The following ZNF142 variants were observed in gnomAD, a reference collection of about 807,000 sequenced individuals.
ZNF142 encodes the protein zinc finger protein 142 (clone pHZ-49).
Under a neutral mutation model 132.1 loss-of-function variants are expected in ZNF142, and 96 were observed. That is an observed-to-expected ratio of 0.73 (90% CI 0.62 to 0.86). ZNF142 has a LOEUF of 0.86. Among genes scored for constraint, ZNF142 ranks in the 40% least tolerant of loss-of-function variants. The pLI, the probability that ZNF142 is intolerant of heterozygous loss-of-function variation, is 0.00. For synonymous variants in ZNF142, 842 were observed against 890.1 expected (o/e 0.95, Z 0.96); for missense variants, 2,163 against 2,336.2 (o/e 0.93, Z 1.53).
chr2:218,651,683 T>G lies in ZNF142; in HGVS notation c.880+18A>C. ...GCTGAACTCCAGGAGAGGAACTGCT[T>G]GGCCCTTGGCCTCATACCTGGCAGC... On this transcript the variant is annotated intron_variant, in intron 5 of 10. Transcript: ENST00000411696. The G allele has an allele frequency of 7.9e-7, 1 of 1,264,244 alleles. No individual in the cohort carries two copies. Among genetic ancestry groups the G allele is most frequent in the African/African-American group, 1.5e-5 (1 of 65,338 alleles). The allele number at this position is 1,264,244 out of a possible 1,614,324, so 78.3% of individuals were successfully genotyped here.
At chr2:218,649,839 G>A (rs1364810327) in intron 6 of ZNF142, among the ~76,000 whole-genome samples, 1 of 152,142 alleles carries the variant, frequency 6.6e-6, no homozygotes, top group Non-Finnish European at 1.5e-5. Flanking sequence ...CCCCCAAGGG[G>A]GTGAGCCAAA....
In ZNF142 at chr2:218,646,368, T is replaced by A. The variant is rs2106230009; in HGVS notation, c.1874-20A>T. ...TCTCACCTTATATGGGGGATGCGGA[T>A]GAAGGGAGAGAACACAGGTCAGATA... On this transcript the variant is annotated intron_variant, in intron 7 of 10. Coordinates refer to ENST00000411696, the MANE Select transcript of ZNF142 (RefSeq NM_001379659.1). 3 of 1,613,034 alleles carry A rather than the reference T, an allele frequency of 1.9e-6. No homozygotes were observed. The East Asian group carries it at 6.7e-5, about 36-fold the overall frequency.
Position 218,638,597 on chromosome 2 carries a change from G to T in ZNF142, c.5406C>A (p.Phe1802Leu). ...PYVCNVCHRA[F>L]RWAAGLRHHA... ...GATGGCGCAGGCCAGCAGCCCAGCGGAAAGCACGGTGGCACACATTGCACA... is the reference window on the plus strand; with the variant it reads ...GATGGCGCAGGCCAGCAGCCCAGCGTAAAGCACGGTGGCACACATTGCACA... Residue 1802 changes from phenylalanine (F) to leucine (L), a missense_variant, in exon 11 of 11, where the codon TTC (phenylalanine) becomes TTA (leucine). By Grantham distance (22) the Phe-to-Leu change is conservative. Around this residue, in one of 7 missense-constraint regions of ZNF142, gnomAD observed 325 missense variants for 367.8 expected, o/e 0.88. Transcript: ENST00000411696. 6.2e-7 allele frequency: 1 copy of T among 1,613,464 alleles called. No individual in the cohort carries two copies. The highest frequency in any genetic ancestry group is 8.5e-7 in the Non-Finnish European group (1 of 1,179,414).
chr2:218,635,915 CTA>C lies in ZNF142; in HGVS notation c.*2422_*2423del. ...TAGACACAGCACGGCAGGAGACCAA[CTA>C]TGTGGAGAACAATGGTGAGAAACTG... is the stretch of plus-strand genomic sequence containing the variant. On this transcript the variant is annotated 3_prime_UTR_variant, in exon 11 of 11. Coordinates refer to ENST00000411696, the MANE Select transcript of ZNF142 (RefSeq NM_001379659.1). 1.2e-6 allele frequency: 2 copies of C among 1,613,998 alleles called. No homozygotes were observed. The highest frequency in any genetic ancestry group is 1.7e-6 in the Non-Finnish European group (2 of 1,179,900).
Position 218,648,832 on chromosome 2 carries a change from C to T in ZNF142, c.1676G>A (p.Arg559His), listed in dbSNP as rs747856734. 23 of 1,614,046 alleles carry T rather than the reference C, an allele frequency of 1.4e-5. No individual in the cohort carries two copies. The highest frequency in any genetic ancestry group is 3.3e-4 in the Middle Eastern group (2 of 6,084). The change falls in exon 7 of 11, where the codon CGT (arginine) becomes CAT (histidine). Residue 559 changes from arginine (R) to histidine (H), a missense_variant. Physicochemically the swap from Arg to His is conservative, Grantham distance 29. Transcript: ENST00000411696. ...AGGGTGGCCCTGCTTCTTGTGTTTA[C>T]GGAATAGGTGCTTATTGGAACAAGC... ...DFACSNKHLFRKHKKQGHPGS... is the reference protein window; with the variant it reads ...DFACSNKHLFHKHKKQGHPGS...
At position 218,634,237 on chromosome 2, in the gene ZNF142, G is replaced by A. The variant is rs1179436475; in HGVS notation, c.*4102C>T. 14 of 1,601,588 alleles carry A rather than the reference G, an allele frequency of 8.7e-6. No individual in the cohort carries two copies. Among genetic ancestry groups the A allele is most frequent in the Non-Finnish European group, 1.1e-5 (13 of 1,173,816 alleles). On this transcript the variant is annotated 3_prime_UTR_variant, in exon 11 of 11. Transcript: ENST00000411696. The surrounding 1 kb of genome is among the most constrained non-coding windows in gnomAD (Gnocchi z 4.0). ...TGCCAGATGGGTGAGGAGGCAGCAG[G>A]GACTGGGAAGAGGGAGTGGAGGAGC...
chr2:218,648,884 C>A lies in ZNF142; in HGVS notation c.1624G>T (p.Ala542Ser). 1 of 1,613,830 alleles carries A rather than the reference C, an allele frequency of 6.2e-7. No individual in the cohort carries two copies. Among genetic ancestry groups the A allele is most frequent in the South Asian group, 1.1e-5 (1 of 91,082 alleles). ...AAATCACAGTGGGGGCAGTGGAAGG[C>A]GTAGTGACTCTTGTGGTGGGCCTCC... The part of the protein sequence containing the change: ...AMEAHHKSHY[A>S]FHCPHCDFAC... The change falls in exon 7 of 11, where the codon GCC becomes TCC. Residue 542 changes from alanine (A) to serine (S), a missense_variant. Transcript: ENST00000411696.
At chr2:218,656,817 CTTTTT>C (rs34530017) in intron 3 of ZNF142, among the ~76,000 whole-genome samples, 2 of 119,446 alleles carry the variant, frequency 1.7e-5, no homozygotes. Flanking sequence ...CTCAGAAGTC[CTTTTT>C]TTTTTTTTTT....
chr2:218,640,821 G>A (rs1220396697), intron 9 of ZNF142, 52 bp from the exon 10 acceptor site: 1 of 1,418,316 alleles, frequency 7.1e-7, no homozygotes, highest in Non-Finnish European at 9.9e-7. Context: ...CTCAATAAAT[G>A]TTAGCTGTTA....
chr2:218,643,231 C>G lies in ZNF142; in HGVS notation c.3885G>C (p.Leu1295=). The G allele has an allele frequency of 6.2e-7, 1 of 1,614,240 alleles. No individual in the cohort carries two copies. The highest frequency in any genetic ancestry group is 8.5e-7 in the Non-Finnish European group (1 of 1,180,038). ...AGCGAGCCCCCTTCTGCTTTTGAAC[C>G]AGAACTGTATCCCCATCACCAGAGC... The part of the protein sequence containing the change: ...ESSSGDGDTV[L]VQKQKGARFS... The change falls in exon 9 of 11, where the codon CTG becomes CTC. Residue 1295 remains leucine (L), a synonymous_variant. Transcript: ENST00000411696.
intron 10 of ZNF142, among the ~76,000 whole-genome samples, chr2:218,640,061 C>CA (rs35136548): frequency 0.36 from 15,769 of 44,272 alleles, 6,250 homozygotes; most frequent in East Asian, 0.68. Context: ...GACTCTGTCT[C>CA]AAAAAAAAAA....
chr2:218,657,110 G>A (rs969073551), intron 3 of ZNF142, among the ~76,000 whole-genome samples: 1 of 152,208 alleles, frequency 6.6e-6, no homozygotes, highest in South Asian at 2.1e-4. Context: ...GAGCCACCTT[G>A]CCTGGTCCCT....
At chr2:218,648,281 A>G (rs959150182) in intron 7 of ZNF142, among the ~76,000 whole-genome samples, 5 of 152,244 alleles carry the variant, frequency 3.3e-5, no homozygotes, top group Non-Finnish European at 7.3e-5. Flanking sequence ...GCATATCCCA[A>G]AACATGAATT....
At position 218,636,081 on chromosome 2, in the gene ZNF142, A is replaced by G; in HGVS notation, c.*2258T>C. 2.1e-6 allele frequency: 3 copies of G among 1,436,126 alleles called. No individual in the cohort carries two copies. The highest frequency in any genetic ancestry group is 1.4e-5 in the African/African-American group (1 of 70,808). The allele number at this position is 1,436,126 out of a possible 1,614,324, so 89.0% of individuals were successfully genotyped here. ...TACAAAGAATCCTGGCTCTTCACTT[A>G]AAAGCTCCAGTGACCTGGGCAAATT... On this transcript the variant is annotated 3_prime_UTR_variant, in exon 11 of 11. Coordinates refer to ENST00000411696, the MANE Select transcript of ZNF142 (RefSeq NM_001379659.1).
At position 218,642,743 on chromosome 2, in the gene ZNF142, A is replaced by G; in HGVS notation, c.4373T>C (p.Phe1458Ser). The G allele has an allele frequency of 6.2e-7, 1 of 1,614,196 alleles. No individual in the cohort carries two copies. Among genetic ancestry groups the G allele is most frequent in the Non-Finnish European group, 8.5e-7 (1 of 1,180,036 alleles). The change falls in exon 9 of 11, where the codon TTC (phenylalanine) becomes TCC (serine). Residue 1458 changes from phenylalanine to serine, a missense_variant. This residue lies in a region of ZNF142 where 809 missense variants were observed against 801.7 expected (regional missense o/e 1.01). Coordinates refer to ENST00000411696, the MANE Select transcript of ZNF142 (RefSeq NM_001379659.1). This position sits in a 1 kb window ranked among gnomAD's most constrained non-coding sequence, Gnocchi z 4.6. The stretch of plus-strand genomic sequence containing the variant: ...GCCACTATAGTCACAAAGTGGACAG[A>G]AGTGGGTAGGTGTTTTGTCATGTAC... ...LRVHDKTPTH[F>S]CPLCDYSGYL...
rs1697606570 is a variant in ZNF142 at position 218,644,986 on chromosome 2, C to T, written c.2130G>A (p.Lys710=). Residue 710 remains lysine (K), a synonymous_variant, in exon 9 of 11, where the codon AAG becomes AAA. Transcript: ENST00000411696. This position sits in a 1 kb window ranked among gnomAD's most constrained non-coding sequence, Gnocchi z 4.6. ...LSSHKLRHQG[K]SLMCEVCAFA... ...AGGCACACACCTCACACATCAGAGACTTGCCCTGATGCCGCAGCTTGTGGC... is the reference window on the plus strand; with the variant it reads ...AGGCACACACCTCACACATCAGAGATTTGCCCTGATGCCGCAGCTTGTGGC... 1 of 1,614,052 alleles carries T rather than the reference C, an allele frequency of 6.2e-7. No homozygotes were observed. Among genetic ancestry groups the T allele is most frequent in the African/African-American group, 1.3e-5 (1 of 74,932 alleles).
rs779168465 is a variant in ZNF142, at chr2:218,643,880, CGTT to C, written c.3233_3235del (p.Gln1078del). On this transcript the variant is annotated inframe_deletion, in exon 9 of 11. Coordinates refer to ENST00000411696, the MANE Select transcript of ZNF142 (RefSeq NM_001379659.1). ...CTTCAGCAGGTGGGTGCTGAGGCCG[CGTT>C]GTTGCTTGAAGCTAGCCCCACACTC... The C allele has an allele frequency of 6.2e-6, 10 of 1,614,152 alleles. No homozygotes were observed. In the South Asian group the frequency reaches 1.1e-4, roughly 18 times the overall value.
At position 218,650,396 on chromosome 2, in the gene ZNF142, C is replaced by T; in HGVS notation, c.1011G>A (p.Lys337=). 2 of 1,614,220 alleles carry T rather than the reference C, an allele frequency of 1.2e-6. No homozygotes were observed. The highest frequency in any genetic ancestry group is 1.7e-6 in the Non-Finnish European group (2 of 1,180,036). The part of the protein sequence containing the change: ...EKSDTQKDSQ[K]AVDKGQGAQR... ...GAGCCCCTTGGCCTTTATCCACAGC[C>T]TTTTGGGAGTCCTTCTGGGTGTCAC... The change falls in exon 6 of 11, where the codon AAG becomes AAA. Residue 337 remains lysine (K), a synonymous_variant. Transcript: ENST00000411696.
rs760923093 is a variant in ZNF142, at chr2:218,652,211, T to G, written c.370A>C (p.Ser124Arg). ...TGCACAGGCTGTATATGGGTCTCAC[T>G]GCACTGGTGCAGGGCCAGCAGAGTG... ...EPTLLALHQCSETHIQPVQGL... is the reference protein window; with the variant it reads ...EPTLLALHQCRETHIQPVQGL... Residue 124 changes from serine (S) to arginine (R), a missense_variant, in exon 5 of 11, where the codon AGT (serine) becomes CGT (arginine). Physicochemically the swap from Ser to Arg is moderately radical, Grantham distance 110 (BLOSUM62 -1). This residue lies in a region of ZNF142 where 195 missense variants were observed against 172.4 expected (regional missense o/e 1.13). Transcript: ENST00000411696. 2.2e-6 allele frequency: 1 copy of G among 456,786 alleles called. No homozygotes were observed. The highest frequency in any genetic ancestry group is 2.3e-5 in the Admixed American group (1 of 42,580). 28.3% of individuals were successfully genotyped at this position (456,786 alleles called of 1,614,324 possible).
Sources: allele counts gnomAD v4.1 joint callset (sites outside exome capture counted in the v4.1 genomes callset), GRCh38; gene constraint gnomAD v4.1.1; regional missense constraint gnomAD v4.1.1; non-coding constraint Gnocchi (gnomAD v3.1); transcripts MANE v1.5; gene names NCBI Gene and HGNC (gene_info 2026-07-23, HGNC 2026-07-21).